The following FBXL7 variants were observed in gnomAD, a reference collection of about 807,000 sequenced individuals.
FBXL7 encodes F-box and leucine rich repeat protein 7.
A neutral mutation model predicts 38.3 loss-of-function variants in FBXL7; 12 were observed. The ratio of observed to expected loss-of-function variants is 0.31; its 90% confidence interval spans 0.20 to 0.51. The LOEUF (loss-of-function observed/expected upper bound fraction) is 0.51, where lower values mean the gene tolerates loss of function less well. Among genes scored for constraint, FBXL7 ranks in the 20% least tolerant of loss-of-function variants. The pLI is 0.98. For synonymous variants in FBXL7, 297 were observed against 300.9 expected (o/e 0.99, Z 0.13); for missense variants, 567 against 676.4 (o/e 0.84, Z 1.79).
intron 2 of FBXL7, among the ~76,000 whole-genome samples, chr5:15,861,040 G>T (rs1014537462): frequency 2.0e-5 from 3 of 152,178 alleles, no homozygotes; most frequent in Admixed American, 2.0e-4. Context: ...GCATTCCACA[G>T]TGGTACATCT....
intron 1 of FBXL7, among the ~76,000 whole-genome samples, chr5:15,538,970 G>C (rs907295293): frequency 1.3e-5 from 2 of 152,172 alleles, no homozygotes. Context: ...ATTCTGATGA[G>C]TGGTAGAAGA....
At chr5:15,930,107 T>C (rs1331148738) in intron 3 of FBXL7, among the ~76,000 whole-genome samples, 3 of 152,216 alleles carry the variant, frequency 2.0e-5, no homozygotes, top group Non-Finnish European at 2.9e-5. Context: ...TCTACTTCAG[T>C]TGGCTTCAAG....
At chr5:15,781,512 A>G (rs915023451) in intron 2 of FBXL7, among the ~76,000 whole-genome samples, 1 of 152,010 alleles carries the variant, frequency 6.6e-6, no homozygotes, top group African/African-American at 2.4e-5. Flanking sequence ...TTCAGTAGTA[A>G]GAAGCCAGTG....
chr5:15,584,156 G>A (rs1448453055), intron 1 of FBXL7, among the ~76,000 whole-genome samples: 1 of 152,162 alleles, frequency 6.6e-6, no homozygotes, highest in Non-Finnish European at 1.5e-5. Context: ...TGGGCCCTGG[G>A]CCTGGTCCAC....
chr5:15,807,889 T>C (rs2126749152), intron 2 of FBXL7, among the ~76,000 whole-genome samples: 1 of 152,260 alleles, frequency 6.6e-6, no homozygotes, highest in Admixed American at 6.5e-5. Flanking sequence ...CAAATAAACA[T>C]TACAATACAA....
chr5:15,852,759 T>G (rs978662986), intron 2 of FBXL7, among the ~76,000 whole-genome samples: 2 of 152,032 alleles, frequency 1.3e-5, no homozygotes, highest in Admixed American at 6.6e-5. Context: ...TAAACCTGGG[T>G]GTTTAGATAA....
intron 2 of FBXL7, among the ~76,000 whole-genome samples, chr5:15,892,983 GT>G (rs1282997565): frequency 7.3e-5 from 11 of 150,790 alleles, no homozygotes; most frequent in Non-Finnish European, 7.4e-5. Context: ...GGGCGTGGTG[GT>G]GGGCACCTGT....
chr5:15,556,881 G>C (rs190061081), intron 1 of FBXL7, among the ~76,000 whole-genome samples: 81 of 152,314 alleles, frequency 5.3e-4, no homozygotes, highest in African/African-American at 1.9e-3. Flanking sequence ...TAGAGCTAGA[G>C]TTTAAGTGGT....
At chr5:15,861,493 A>G (rs1265556275) in intron 2 of FBXL7, among the ~76,000 whole-genome samples, 1 of 152,220 alleles carries the variant, frequency 6.6e-6, no homozygotes, top group African/African-American at 2.4e-5. Context: ...AACAAAGGAC[A>G]TCTATACTGA....
intron 2 of FBXL7, among the ~76,000 whole-genome samples, chr5:15,796,247 A>C (rs1049771128): frequency 1.3e-5 from 2 of 152,224 alleles, no homozygotes; most frequent in African/African-American, 4.8e-5. Context: ...CATTGGACTC[A>C]GCCCAAAGGG....
intron 2 of FBXL7, among the ~76,000 whole-genome samples, chr5:15,919,378 A>C (rs1741682007): frequency 6.6e-6 from 1 of 152,210 alleles, no homozygotes. Context: ...TACTGTAATT[A>C]CTAACGATAT....
intron 2 of FBXL7, among the ~76,000 whole-genome samples, chr5:15,905,507 A>G (rs975424153): frequency 2.6e-5 from 4 of 151,974 alleles, no homozygotes; most frequent in African/African-American, 9.7e-5. Flanking sequence ...TAAATAATTA[A>G]TATGGAAAAA....
chr5:15,745,940 A>G (rs1736003761), intron 2 of FBXL7, among the ~76,000 whole-genome samples: 1 of 152,234 alleles, frequency 6.6e-6, no homozygotes. Flanking sequence ...GCTTAGCAGC[A>G]GGGAGAAATA....
intron 2 of FBXL7, among the ~76,000 whole-genome samples, chr5:15,665,222 C>A (rs1742229990): frequency 6.6e-6 from 1 of 152,104 alleles, no homozygotes; most frequent in South Asian, 2.1e-4. Context: ...TCCTTCCATA[C>A]CCCCCAATTT....
At chr5:15,935,324 G>C (rs1742152238) in intron 3 of FBXL7, 1 of 439,860 alleles carries the variant, frequency 2.3e-6, no homozygotes, top group Non-Finnish European at 4.6e-6. Flanking sequence ...GGAATCGACT[G>C]TAGGAGCTAA....
chr5:15,653,776 G>C (rs555499006), intron 2 of FBXL7, among the ~76,000 whole-genome samples: 2 of 152,264 alleles, frequency 1.3e-5, no homozygotes, highest in South Asian at 4.1e-4. Flanking sequence ...GAAATGAAAA[G>C]AGCTTGTTTT....
At chr5:15,853,495 C>T (rs1178870008) in intron 2 of FBXL7, among the ~76,000 whole-genome samples, 2 of 151,870 alleles carry the variant, frequency 1.3e-5, no homozygotes, top group African/African-American at 2.4e-5. Flanking sequence ...GAGAGGTGAG[C>T]GGGGAACATC....
chr5:15,740,863 G>A (rs941541798), intron 2 of FBXL7, among the ~76,000 whole-genome samples: 4 of 152,210 alleles, frequency 2.6e-5, no homozygotes, highest in Non-Finnish European at 5.9e-5. Context: ...GGTGGTCACA[G>A]ATGTATCCAA....
rs369107219 is a variant in FBXL7, at chr5:15,515,561, G to A, written c.37+14848G>A. On this transcript the variant is annotated intron_variant, in intron 1 of 3. Transcript: ENST00000504595. ...TACTGATTGTCTGCTGTGCTTTGAAGAGTGATCTCTGAAGCTCACAATAGT... is the reference window on the plus strand; with the variant it reads ...TACTGATTGTCTGCTGTGCTTTGAAAAGTGATCTCTGAAGCTCACAATAGT... Among the ~76,000 whole-genome samples the A allele has an allele frequency of 3.9e-5, 6 of 152,310 alleles. No individual in the cohort carries two copies. The East Asian group carries it at 1.2e-3, about 29-fold the overall frequency.
Sources: allele counts gnomAD v4.1 joint callset (sites outside exome capture counted in the v4.1 genomes callset), GRCh38; gene constraint gnomAD v4.1.1; transcripts MANE v1.5; gene names NCBI Gene and HGNC (gene_info 2026-07-23, HGNC 2026-07-21).